EDEM3: variants seen among roughly 807,000 people sequenced by gnomAD.
EDEM3 encodes the protein ER degradation-enhancing alpha-mannosidase-like protein 3.
A neutral mutation model predicts 110.2 loss-of-function variants in EDEM3; 60 were observed. The ratio of observed to expected loss-of-function variants is 0.54; its 90% CI spans 0.44 to 0.67. EDEM3 has a LOEUF of 0.67. Among genes scored for constraint, EDEM3 ranks in the 30% least tolerant of loss-of-function variants. The probability of loss-of-function intolerance (pLI) is 0.00; values close to 1 mark genes in which losing one functional copy is unlikely to be tolerated. For synonymous variants in EDEM3, 352 were observed against 382.9 expected, an observed-to-expected ratio of 0.92 and a Z score of 0.94; for missense variants, 996 against 1,121.0, an observed-to-expected ratio of 0.89 and a Z score of 1.59.
At chr1:184,731,492 C>T (rs1004312006) in intron 6 of EDEM3, among the ~76,000 whole-genome samples, 2 of 152,164 alleles carry the variant, frequency 1.3e-5, no homozygotes, top group South Asian at 2.1e-4. Flanking sequence ...TTCCTCCTTT[C>T]GAAGTTCCCT....
At position 184,721,391 on chromosome 1, in the gene EDEM3, G is replaced by T; in HGVS notation, c.854-5C>A. The stretch of plus-strand genomic sequence containing the variant: ...TCCCTGCTCCAACTCCACTATCTAT[G>T]GAAACACAAATGTGATTTTTCATTA... On this transcript the variant is annotated splice_polypyrimidine_tract_variant and splice_region_variant and intron_variant, in intron 8 of 19. Coordinates refer to ENST00000318130, the MANE Select transcript of EDEM3 (RefSeq NM_025191.4). 1 of 1,569,918 alleles carries T rather than the reference G, an allele frequency of 6.4e-7. No homozygotes were observed.
At chr1:184,709,418 C>G (rs528175493) in intron 16 of EDEM3, among the ~76,000 whole-genome samples, 1 of 152,252 alleles carries the variant, frequency 6.6e-6, no homozygotes, top group South Asian at 2.1e-4. Context: ...CATCCAGATT[C>G]TTGGAAACTG....
chr1:184,732,756 C>A, intron 6 of EDEM3, 81 bp downstream of exon 6: 2 of 1,391,230 alleles, frequency 1.4e-6, no homozygotes, highest in East Asian at 2.5e-5. Context: ...TGGTGAAGAA[C>A]AATGGCTCTG....
In EDEM3 at chr1:184,716,905, A is replaced by G. The variant is rs1004599534; in HGVS notation, c.1353T>C (p.Thr451=). 1.9e-6 allele frequency: 3 copies of G among 1,613,268 alleles called. No homozygotes were observed. The highest frequency in any genetic ancestry group is 2.5e-6 in the Non-Finnish European group (3 of 1,179,432). ...CGFAAMKDVR[T]GSHEDRMDSF... ...TGTTTTACCTGTCCTCATGACTTCC[A>G]GTACGAACATCCTTCATGGCAGCAA... Residue 451 remains threonine, a synonymous_variant, in exon 13 of 20, where the codon ACT becomes ACC. Coordinates refer to ENST00000318130, the MANE Select transcript of EDEM3 (RefSeq NM_025191.4).
At position 184,706,740 on chromosome 1, in the gene EDEM3, C is replaced by T. The variant is rs1361601838; in HGVS notation, c.2106G>A (p.Val702=). ...TTTGTATCAGTGCGATTTTTCCCAT[C>T]ACTGCCTCTGGGTTAGTAAGCTCTG... is the stretch of plus-strand genomic sequence containing the variant. ...GCSELTNPEA[V]MGKIALIQRG... Residue 702 remains valine, a synonymous_variant, in exon 18 of 20, where the codon GTG becomes GTA. Transcript: ENST00000318130. The T allele has an allele frequency of 9.9e-6, 16 of 1,613,862 alleles. No individual in the cohort carries two copies. The African/African-American group carries it at 2.1e-4, about 22-fold the overall frequency.
chr1:184,739,537 A>G (rs2102122743), intron 2 of EDEM3, among the ~76,000 whole-genome samples: 1 of 152,044 alleles, frequency 6.6e-6, no homozygotes, highest in East Asian at 1.9e-4. Flanking sequence ...TTAGCAACTG[A>G]GCCTTCCCTT....
In EDEM3 at chr1:184,708,083, A is replaced by C. The variant is rs555564630; in HGVS notation, c.2037+70T>G. ...AATTAAAACTACTAAATTAGAGAAG[A>C]GACTAAGAAATAAGGCAATACTTAA... On this transcript the variant is annotated intron_variant, in intron 17 of 19. Transcript: ENST00000318130. 14 of 1,305,912 alleles carry C rather than the reference A, an allele frequency of 1.1e-5. No individual in the cohort carries two copies. In the Admixed American group the frequency reaches 2.8e-4, roughly 26 times the overall value. The allele number at this position is 1,305,912 out of a possible 1,614,324, so 80.9% of individuals were successfully genotyped here. A position where few individuals can be genotyped will look rare whatever the true frequency, so the allele number is the denominator to read the frequency against.
At position 184,734,563 on chromosome 1, in the gene EDEM3, TACG is replaced by T; in HGVS notation, c.423_425del (p.Val142del). On this transcript the variant is annotated inframe_deletion, in exon 5 of 20. Transcript: ENST00000318130. Reference sequence around the variant, plus strand: ...CTCTGATGTTTGTTTCAAAGACTGATACGACTACATCGTTATCTAAATTAACAT... The same window carrying T: ...CTCTGATGTTTGTTTCAAAGACTGATACTACATCGTTATCTAAATTAACAT... The T allele has an allele frequency of 6.5e-7, 1 of 1,543,402 alleles. No homozygotes were observed. Among genetic ancestry groups the T allele is most frequent in the Non-Finnish European group, 8.8e-7 (1 of 1,142,030 alleles).
At chr1:184,721,040 T>C (rs1650871393) in intron 9 of EDEM3, 1 of 348,984 alleles carries the variant, frequency 2.9e-6, no homozygotes, top group Non-Finnish European at 5.1e-6. Context: ...TCAAATCTAT[T>C]ACATCTCTTA....
At chr1:184,748,121 A>G (rs1176822489) in intron 2 of EDEM3, among the ~76,000 whole-genome samples, 11 of 152,130 alleles carry the variant, frequency 7.2e-5, no homozygotes, top group Admixed American at 7.2e-4. Context: ...TGAAAGAAAT[A>G]AGGGTTGACA....
In EDEM3 at chr1:184,710,120, GAA is replaced by G. The variant is rs199692067; in HGVS notation, c.1845+272_1845+273del. Among the ~76,000 whole-genome samples, 432 of 152,212 alleles carry G rather than the reference GAA, an allele frequency of 2.8e-3. 5 individuals carry two copies. The East Asian group carries it at 0.035, about 12-fold the overall frequency. ...TAACAGGGGAAAGCCAATGGACTGAGAAACAGAAAACTTAGATTTGAGTCCTG... is the reference window on the plus strand; with the variant it reads ...TAACAGGGGAAAGCCAATGGACTGAGACAGAAAACTTAGATTTGAGTCCTG... On this transcript the variant is annotated intron_variant, in intron 16 of 19. Coordinates refer to ENST00000318130, the MANE Select transcript of EDEM3 (RefSeq NM_025191.4).
chr1:184,722,199 A>G (rs1650941889), intron 8 of EDEM3, among the ~76,000 whole-genome samples: 1 of 151,982 alleles, frequency 6.6e-6, no homozygotes, highest in Non-Finnish European at 1.5e-5. Flanking sequence ...TTTTACCCAT[A>G]TTTATATACA....
intron 12 of EDEM3, 74 bp from the exon 13 acceptor site, chr1:184,717,086 T>C: frequency 3.2e-6 from 4 of 1,261,102 alleles, no homozygotes; most frequent in Non-Finnish European, 4.4e-6. Context: ...TTACCAAATA[T>C]TTATTGAGTA....
chr1:184,696,835 G>A (rs1049868545), intron 19 of EDEM3, among the ~76,000 whole-genome samples: 6 of 152,052 alleles, frequency 3.9e-5, no homozygotes, highest in South Asian at 2.1e-4. Context: ...AAGGTGTAGG[G>A]TTGTTTTACC....
At chr1:184,733,075 C>A in intron 5 of EDEM3, 85 bp from the exon 6 acceptor site, 1 of 1,398,894 alleles carries the variant, frequency 7.1e-7, no homozygotes. Context: ...CTTTGTTATA[C>A]AATTTAACAT....
At chr1:184,720,114 T>G (rs984198425) in intron 9 of EDEM3, among the ~76,000 whole-genome samples, 41 of 152,214 alleles carry the variant, frequency 2.7e-4, no homozygotes, top group African/African-American at 9.2e-4. Flanking sequence ...TCCTAGATAT[T>G]TCTCAGCTTT....
At chr1:184,715,837 T>C (rs1650516036) in intron 13 of EDEM3, among the ~76,000 whole-genome samples, 1 of 152,182 alleles carries the variant, frequency 6.6e-6, no homozygotes. Flanking sequence ...TATGCCTGCT[T>C]CCAGAACCTA....
chr1:184,701,881 A>G (rs2102060574), intron 19 of EDEM3, among the ~76,000 whole-genome samples: 1 of 152,296 alleles, frequency 6.6e-6, no homozygotes, highest in Admixed American at 6.5e-5. Context: ...TGATTATGCT[A>G]GCATGATTAT....
Position 184,694,249 on chromosome 1 carries a change from A to G in EDEM3, c.2613T>C (p.His871=). The change falls in exon 20 of 20, where the codon CAT becomes CAC. Residue 871 remains histidine, a synonymous_variant. Transcript: ENST00000318130. The part of the protein sequence containing the change: ...SEQTSNPTEN[H]ETTNLNGECT... ...ATTCACCATTAAGATTTGTAGTCTC[A>G]TGGTTTTCTGTGGGATTAGAAGTCT... 1 of 1,613,366 alleles carries G rather than the reference A, an allele frequency of 6.2e-7. No homozygotes were observed.
Sources: gnomAD v4.1 joint callset for allele counts (sites outside exome capture counted in the v4.1 genomes callset) on GRCh38, gnomAD v4.1.1 for gene constraint, MANE v1.5 for transcripts, NCBI Gene and HGNC (gene_info 2026-07-23, HGNC 2026-07-21) for gene names.